Variants in ABL2 observed in about 807,000 individuals in gnomAD.
The protein encoded by ABL2 is ABL proto-oncogene 2, non-receptor tyrosine kinase.
A neutral mutation model predicts 107.7 loss-of-function variants in ABL2; 49 were observed. The observed-to-expected ratio is 0.45, with a 90% CI of 0.36 to 0.58. ABL2 has a LOEUF of 0.58. Ranked by LOEUF, ABL2 falls within the 20% of genes least tolerant of loss-of-function variation. The pLI is 0.00. For missense variants in ABL2, 1,245 were observed against 1,457.0 expected, an observed-to-expected ratio of 0.85 and a Z score of 2.37; for synonymous variants, 549 against 548.6, an observed-to-expected ratio of 1.00 and a Z score of -0.01.
At chr1:179,176,998 G>C (rs1660088343) in intron 1 of ABL2, among the ~76,000 whole-genome samples, 1 of 152,034 alleles carries the variant, frequency 6.6e-6, no homozygotes, top group South Asian at 2.1e-4. Context: ...ACACGGCCAA[G>C]TGTTGTTACA....
Position 179,197,028 on chromosome 1 carries a change from A to G in ABL2, c.157+32213T>C, listed in dbSNP as rs560337651. ...TAGCATGGTGATACAAAAATTGAAT[A>G]TATCAAACAGAAGTTATGCAACATG... On this transcript the variant is annotated intron_variant, in intron 1 of 11. Coordinates refer to ENST00000502732, the MANE Select transcript of ABL2 (RefSeq NM_007314.4). Among the ~76,000 whole-genome samples the G allele has an allele frequency of 2.6e-5, 4 of 152,360 alleles. No individual in the cohort carries two copies. The East Asian group carries it at 7.7e-4, about 29-fold the overall frequency.
At chr1:179,114,779 C>G (rs914006776) in intron 9 of ABL2, 99 bp downstream of exon 9, 42 of 1,246,942 alleles carry the variant, frequency 3.4e-5, no homozygotes, top group Non-Finnish European at 4.5e-5. Flanking sequence ...AGGCTGGATT[C>G]AATCTAACAA....
At chr1:179,181,371 TACTA>T (rs1197226220) in intron 1 of ABL2, among the ~76,000 whole-genome samples, 1 of 152,196 alleles carries the variant, frequency 6.6e-6, no homozygotes, top group East Asian at 1.9e-4. Context: ...GGAAATAAGT[TACTA>T]ACTTTCAGAA....
At chr1:179,136,806 C>T (rs1387159935) in intron 1 of ABL2, among the ~76,000 whole-genome samples, 3 of 151,280 alleles carry the variant, frequency 2.0e-5, no homozygotes, top group Non-Finnish European at 2.9e-5. Flanking sequence ...ATCCCAGCTA[C>T]TTCGGAGGCT....
chr1:179,175,499 C>T (rs1448670029), intron 1 of ABL2, among the ~76,000 whole-genome samples: 3 of 152,174 alleles, frequency 2.0e-5, no homozygotes, highest in African/African-American at 7.2e-5. Flanking sequence ...ATAATAAAAG[C>T]TTAGTTAACA....
At position 179,100,101 on chromosome 1, in the gene ABL2, A is replaced by C. The variant is rs532997438; in HGVS notation, c.*7617T>G. On this transcript the variant is annotated 3_prime_UTR_variant, in exon 12 of 12. Transcript: ENST00000502732. ...TCAAACATATGCCCTAAAGAACCAT[A>C]AACAAGTATCTCATTGTTCCTTTCT... is the stretch of plus-strand genomic sequence containing the variant. 35 of 232,074 alleles carry C rather than the reference A, an allele frequency of 1.5e-4. No homozygotes were observed. The highest frequency in any genetic ancestry group is 6.4e-4 in the African/African-American group (29 of 45,388). The allele number at this position is 232,074 out of a possible 1,614,324, so 14.4% of individuals were successfully genotyped here. A position where few individuals can be genotyped will look rare whatever the true frequency, so the allele number is the denominator to read the frequency against.
Position 179,108,932 on chromosome 1 carries a change from G to A in ABL2, c.2335C>T (p.Pro779Ser). 1 of 1,614,160 alleles carries A rather than the reference G, an allele frequency of 6.2e-7. No homozygotes were observed. The highest frequency in any genetic ancestry group is 8.5e-7 in the Non-Finnish European group (1 of 1,180,018). Reference sequence around the variant, plus strand: ...ATGGAAGATGTAGAGTTTGACCTTGGAAAAGGCTTGGAAGTGTCATCACTG... The same window carrying A: ...ATGGAAGATGTAGAGTTTGACCTTGAAAAAGGCTTGGAAGTGTCATCACTG... ...TASDDTSKPF[P>S]RSNSTSSMSS... Residue 779 changes from proline (P) to serine (S), a missense_variant, in exon 12 of 12, where the codon CCA becomes TCA. This residue lies in a region of ABL2 where 761 missense variants were observed against 766.4 expected (regional missense o/e 0.99). Transcript: ENST00000502732.
At chr1:179,169,314 C>T (rs752614641) in intron 1 of ABL2, among the ~76,000 whole-genome samples, 10 of 151,886 alleles carry the variant, frequency 6.6e-5, no homozygotes, top group South Asian at 2.1e-4. Flanking sequence ...TTTGGGAGGC[C>T]GAGGCGGGCA....
chr1:179,223,436 GTAAA>G (rs1455905786), intron 1 of ABL2, among the ~76,000 whole-genome samples: 2 of 146,806 alleles, frequency 1.4e-5, no homozygotes, highest in Admixed American at 6.8e-5. Context: ...AACCACCTAA[GTAAA>G]TAAATAAACT....
At position 179,182,252 on chromosome 1, in the gene ABL2, A is replaced by G. The variant is rs530745515; in HGVS notation, c.157+46989T>C. On this transcript the variant is annotated intron_variant, in intron 1 of 11. Transcript: ENST00000502732. Reference sequence around the variant, plus strand: ...AACCACAAGCTGGGTAAATTCAACTATTCTCCTACTCCTAAAGTGAAGGTG... The same window carrying G: ...AACCACAAGCTGGGTAAATTCAACTGTTCTCCTACTCCTAAAGTGAAGGTG... Among the ~76,000 whole-genome samples the G allele has an allele frequency of 2.0e-5, 3 of 152,040 alleles. No homozygotes were observed. In the South Asian group the frequency reaches 6.2e-4, roughly 32 times the overall value.
intron 7 of ABL2, 132 bp downstream of exon 7, chr1:179,118,455 A>C: frequency 1.2e-6 from 1 of 812,082 alleles, no homozygotes; most frequent in Middle Eastern, 3.1e-4. Context: ...TGACATTATA[A>C]TGGGCCCTGT....
chr1:179,131,600 G>A, intron 2 of ABL2, 119 bp from the exon 3 acceptor site: 1 of 947,676 alleles, frequency 1.1e-6, no homozygotes, highest in Non-Finnish European at 1.6e-6. Flanking sequence ...GAACTGTACA[G>A]TATAAAGTGT....
intron 1 of ABL2, among the ~76,000 whole-genome samples, chr1:179,183,145 G>C (rs951698232): frequency 7.2e-5 from 11 of 151,974 alleles, no homozygotes; most frequent in Non-Finnish European, 1.5e-4. Context: ...CCCAAATAGA[G>C]AACTGCATGT....
At chr1:179,110,782 C>T (rs1176649501) in intron 10 of ABL2, 10 of 1,613,962 alleles carry the variant, frequency 6.2e-6, no homozygotes, top group Non-Finnish European at 8.5e-6. Flanking sequence ...TTGCTAGCAT[C>T]ATCCTGCTCT....
At chr1:179,227,722 T>A (rs1224313546) in intron 1 of ABL2, among the ~76,000 whole-genome samples, 2 of 152,154 alleles carry the variant, frequency 1.3e-5, no homozygotes, top group Admixed American at 1.3e-4. Context: ...CATAAAGTGT[T>A]CATATACCCG....
Position 179,103,105 on chromosome 1 carries a change from C to G in ABL2, c.*4613G>C, listed in dbSNP as rs897221901. The G allele has an allele frequency of 3.6e-5, 8 of 220,928 alleles. No homozygotes were observed. Among genetic ancestry groups the G allele is most frequent in the African/African-American group, 1.8e-4 (8 of 44,636 alleles). 13.7% of individuals were successfully genotyped at this position (220,928 alleles called of 1,614,324 possible). Reference sequence around the variant, plus strand: ...GACCTCATCCTTCTTGAGTCAAGGTCCTTGGAAGAGCTTCTGTGTTCTGGA... The same window carrying G: ...GACCTCATCCTTCTTGAGTCAAGGTGCTTGGAAGAGCTTCTGTGTTCTGGA... On this transcript the variant is annotated 3_prime_UTR_variant, in exon 12 of 12. Coordinates refer to ENST00000502732, the MANE Select transcript of ABL2 (RefSeq NM_007314.4).
intron 1 of ABL2, among the ~76,000 whole-genome samples, chr1:179,215,160 C>CA (rs772472092): frequency 2.3e-3 from 293 of 129,340 alleles, no homozygotes; most frequent in Admixed American, 2.6e-3. Flanking sequence ...ACTCAGTCTC[C>CA]AAAAAAAAAA....
intron 1 of ABL2, among the ~76,000 whole-genome samples, chr1:179,158,300 A>G (rs924946583): frequency 6.6e-6 from 1 of 152,238 alleles, no homozygotes; most frequent in Admixed American, 6.5e-5. Flanking sequence ...GAAATAATAC[A>G]TAACAGGTGT....
chr1:179,184,424 G>A, intron 1 of ABL2: 1 of 987,120 alleles, frequency 1.0e-6, no homozygotes, highest in Non-Finnish European at 1.5e-6. Context: ...GGCAGCATGA[G>A]GCACCAGAGA....
Sources: allele counts gnomAD v4.1 joint callset (sites outside exome capture counted in the v4.1 genomes callset), GRCh38; gene constraint gnomAD v4.1.1; regional missense constraint gnomAD v4.1.1; transcripts MANE v1.5; gene names NCBI Gene and HGNC (gene_info 2026-07-23, HGNC 2026-07-21).